PLCXD3: variants seen among roughly 807,000 people sequenced by gnomAD.
The protein encoded by PLCXD3 is PI-PLC X domain-containing protein 3.
A neutral mutation model predicts 25.5 loss-of-function variants in PLCXD3; 19 were observed. The ratio of observed to expected loss-of-function variants is 0.75; its 90% confidence interval spans 0.52 to 1.09. The LOEUF (loss-of-function observed/expected upper bound fraction) is 1.09, where lower values mean the gene tolerates loss of function less well. PLCXD3 is among the 50% of genes least tolerant of loss of function. The probability of loss-of-function intolerance (pLI) is 0.00; values close to 1 mark genes in which losing one functional copy is unlikely to be tolerated. For missense variants in PLCXD3, 411 were observed against 388.1 expected, an observed-to-expected ratio of 1.06 and a Z score of -0.50; for synonymous variants, 174 against 137.6, an observed-to-expected ratio of 1.26 and a Z score of -1.85.
In PLCXD3 at chr5:41,362,790, G is replaced by A. The variant is rs148128170; in HGVS notation, c.812+19036C>T. On this transcript the variant is annotated intron_variant, in intron 2 of 2. Coordinates refer to ENST00000377801, the MANE Select transcript of PLCXD3 (RefSeq NM_001005473.3). ...ACCATGTAGTTTATTATAGTGCTGC[G>A]TAGTCCAGGAAGAAGAAATAAGGGC... Among the ~76,000 whole-genome samples, 196 of 152,240 alleles carry A rather than the reference G, an allele frequency of 1.3e-3. 2 individuals carry two copies. The highest frequency in any genetic ancestry group is 4.5e-3 in the African/African-American group (188 of 41,548).
chr5:41,332,422 A>G (rs1431444974), intron 2 of PLCXD3, among the ~76,000 whole-genome samples: 2 of 152,164 alleles, frequency 1.3e-5, no homozygotes, highest in East Asian at 3.9e-4. Flanking sequence ...TAGAATGGCA[A>G]TCATTAAAAA....
At chr5:41,370,414 C>T (rs766663321) in intron 2 of PLCXD3, among the ~76,000 whole-genome samples, 2 of 152,136 alleles carry the variant, frequency 1.3e-5, no homozygotes, top group Non-Finnish European at 2.9e-5. Flanking sequence ...GCTGTTGTTA[C>T]ACTGAAAATA....
In PLCXD3 at chr5:41,461,445, T is replaced by G. The variant is rs147541635; in HGVS notation, c.103+48979A>C. On this transcript the variant is annotated intron_variant, in intron 1 of 2. Coordinates refer to ENST00000377801, the MANE Select transcript of PLCXD3 (RefSeq NM_001005473.3). The stretch of plus-strand genomic sequence containing the variant: ...TTCTCCACTGAGTCACTGCAATCTG[T>G]TTCATGTACACTTGGAATTTTATTT... Among the ~76,000 whole-genome samples the G allele has an allele frequency of 4.1e-3, 626 of 152,076 alleles. 6 individuals are homozygous for G. Among genetic ancestry groups the G allele is most frequent in the African/African-American group, 0.014 (571 of 41,528 alleles).
At chr5:41,360,005 A>G (rs571116966) in intron 2 of PLCXD3, among the ~76,000 whole-genome samples, 2 of 152,284 alleles carry the variant, frequency 1.3e-5, no homozygotes, top group South Asian at 4.1e-4. Flanking sequence ...CACAGTCACA[A>G]ACTTCTCGGA....
rs544448153 is a variant in PLCXD3 at position 41,460,809 on chromosome 5, C to T, written c.103+49615G>A. Among the ~76,000 whole-genome samples the T allele has an allele frequency of 2.6e-5, 4 of 152,022 alleles. No individual in the cohort carries two copies. In the South Asian group the frequency reaches 8.3e-4, roughly 32 times the overall value. The stretch of plus-strand genomic sequence containing the variant: ...GTAAGTATTTTAAAATTCTTGCTTA[C>T]GAATGTGCAAAATTATTGGAACTAT... On this transcript the variant is annotated intron_variant, in intron 1 of 2. Transcript: ENST00000377801.
At chr5:41,400,021 G>T (rs1010663378) in intron 1 of PLCXD3, among the ~76,000 whole-genome samples, 12 of 152,022 alleles carry the variant, frequency 7.9e-5, no homozygotes, top group Admixed American at 2.0e-4. Flanking sequence ...AATTAAAAAT[G>T]GACAAAAGAG....
chr5:41,481,783 G>A (rs1328134118), intron 1 of PLCXD3, among the ~76,000 whole-genome samples: 1 of 152,240 alleles, frequency 6.6e-6, no homozygotes, highest in Non-Finnish European at 1.5e-5. Flanking sequence ...CCTCTGGGAT[G>A]AGCCCCTTAG....
intron 1 of PLCXD3, among the ~76,000 whole-genome samples, chr5:41,403,988 A>G (rs931506872): frequency 1.9e-4 from 29 of 152,174 alleles, no homozygotes; most frequent in African/African-American, 7.0e-4. Context: ...AAGACAATAT[A>G]TGGTTGCTCA....
At chr5:41,491,555 T>G (rs1032179405) in intron 1 of PLCXD3, among the ~76,000 whole-genome samples, 1 of 152,134 alleles carries the variant, frequency 6.6e-6, no homozygotes, top group South Asian at 2.1e-4. Flanking sequence ...CCCATTATTA[T>G]TGTGTGGGAG....
At chr5:41,395,675 C>A (rs922539856) in intron 1 of PLCXD3, among the ~76,000 whole-genome samples, 6 of 152,032 alleles carry the variant, frequency 3.9e-5, no homozygotes, top group Admixed American at 6.6e-5. Context: ...CTACTATGAG[C>A]AACTATATGC....
intron 2 of PLCXD3, among the ~76,000 whole-genome samples, chr5:41,348,127 T>C (rs1744350498): frequency 6.6e-6 from 1 of 152,226 alleles, no homozygotes; most frequent in South Asian, 2.1e-4. Context: ...TCTCACACTT[T>C]GAGGTAGGTT....
At chr5:41,329,176 C>A (rs1200066954) in intron 2 of PLCXD3, among the ~76,000 whole-genome samples, 2 of 152,174 alleles carry the variant, frequency 1.3e-5, no homozygotes, top group Admixed American at 6.6e-5. Flanking sequence ...ATCTTCCCTG[C>A]CCCGTCACTT....
intron 1 of PLCXD3, among the ~76,000 whole-genome samples, chr5:41,424,934 A>C (rs1008725719): frequency 3.9e-5 from 6 of 152,206 alleles, no homozygotes; most frequent in African/African-American, 1.4e-4. Flanking sequence ...TAACTTTATG[A>C]TCTAGCACAC....
At chr5:41,495,331 AC>A (rs1275226373) in intron 1 of PLCXD3, among the ~76,000 whole-genome samples, 8 of 152,244 alleles carry the variant, frequency 5.3e-5, no homozygotes, top group Admixed American at 3.3e-4. Flanking sequence ...GTCACTGAAA[AC>A]AAAATTTTTG....
At chr5:41,357,593 T>C (rs922718035) in intron 2 of PLCXD3, among the ~76,000 whole-genome samples, 13 of 152,218 alleles carry the variant, frequency 8.5e-5, no homozygotes, top group African/African-American at 3.1e-4. Context: ...CAACCAGTGC[T>C]TCTCAAACTT....
chr5:41,450,616 A>T (rs1747606705), intron 1 of PLCXD3, among the ~76,000 whole-genome samples: 1 of 151,928 alleles, frequency 6.6e-6, no homozygotes, highest in African/African-American at 2.4e-5. Context: ...AGGCAAGCTT[A>T]CTCTTTTCCA....
At chr5:41,505,321 C>A (rs1749032776) in intron 1 of PLCXD3, among the ~76,000 whole-genome samples, 1 of 152,098 alleles carries the variant, frequency 6.6e-6, no homozygotes, top group Non-Finnish European at 1.5e-5. Context: ...GTTATATATG[C>A]TTGTACTCCA....
intron 2 of PLCXD3, among the ~76,000 whole-genome samples, chr5:41,364,489 G>A (rs1215221316): frequency 6.6e-6 from 1 of 152,172 alleles, no homozygotes; most frequent in Non-Finnish European, 1.5e-5. Flanking sequence ...TTGTCACAAA[G>A]GTTGCCTGGA....
At chr5:41,501,483 T>C (rs1046793648) in intron 1 of PLCXD3, among the ~76,000 whole-genome samples, 1 of 151,978 alleles carries the variant, frequency 6.6e-6, no homozygotes, top group Non-Finnish European at 1.5e-5. Flanking sequence ...AGGTATCTAA[T>C]AGTCAAACTC....
Sources: gnomAD v4.1 joint callset for allele counts (sites outside exome capture counted in the v4.1 genomes callset) on GRCh38, gnomAD v4.1.1 for gene constraint, MANE v1.5 for transcripts, NCBI Gene and HGNC (gene_info 2026-07-23, HGNC 2026-07-21) for gene names.